ANAPC10: variants seen among roughly 807,000 people sequenced by gnomAD.
The protein encoded by ANAPC10 is anaphase promoting complex subunit 10, also known as anaphase-promoting complex subunit 10.
ANAPC10 carries 12 observed loss-of-function variants against 22.0 expected under a neutral mutation model. The ratio of observed to expected loss-of-function variants is 0.55; its 90% CI spans 0.35 to 0.88. The LOEUF is 0.88. Ranked by LOEUF, ANAPC10 falls within the 40% of genes least tolerant of loss-of-function variation. The pLI, the probability that ANAPC10 is intolerant of heterozygous loss-of-function variation, is 0.01. For synonymous variants in ANAPC10, 65 were observed against 69.5 expected (o/e 0.94, Z 0.32); for missense variants, 188 against 220.9 (o/e 0.85, Z 0.94).
intron 4 of ANAPC10, among the ~76,000 whole-genome samples, chr4:144,996,018 G>T (rs994572380): frequency 2.0e-5 from 3 of 152,194 alleles, no homozygotes; most frequent in African/African-American, 4.8e-5. Flanking sequence ...CTCATATTTT[G>T]AACAGATAAT....
chr4:145,023,310 T>C (rs933787922), intron 4 of ANAPC10, among the ~76,000 whole-genome samples: 1 of 152,154 alleles, frequency 6.6e-6, no homozygotes, highest in African/African-American at 2.4e-5. Context: ...TCAGGAAGTA[T>C]AAGGATTTTT....
intron 3 of ANAPC10, among the ~76,000 whole-genome samples, chr4:145,068,403 A>T (rs2126499075): frequency 6.6e-6 from 1 of 152,346 alleles, no homozygotes; most frequent in African/African-American, 2.4e-5. Flanking sequence ...CAAAACTTAA[A>T]ACTAAATATA....
At chr4:145,030,980 G>T (rs868326484) in intron 4 of ANAPC10, among the ~76,000 whole-genome samples, 1 of 152,306 alleles carries the variant, frequency 6.6e-6, no homozygotes, top group Non-Finnish European at 1.5e-5. Context: ...TGCAGCTGCT[G>T]TACCAGATGT....
At chr4:145,046,893 C>T (rs1740386666) in intron 4 of ANAPC10, among the ~76,000 whole-genome samples, 1 of 152,054 alleles carries the variant, frequency 6.6e-6, no homozygotes, top group South Asian at 2.1e-4. Flanking sequence ...ACATAAGACA[C>T]ATTTATCTAG....
chr4:144,995,478 G>C lies in ANAPC10; in HGVS notation c.453C>G (p.Thr151=). ...TGTATATTTTAATTTGTCTCATATG[G>C]GTGTCTCTTCCATTCTGGTGATTGG... ...VLANHQNGRD[T]HMRQIKIYTP... The change falls in exon 5 of 5, where the codon ACC becomes ACG. Residue 151 remains threonine (T), a synonymous_variant. Transcript: ENST00000507656. 1 of 1,613,460 alleles carries C rather than the reference G, an allele frequency of 6.2e-7. No homozygotes were observed. Among genetic ancestry groups the C allele is most frequent in the South Asian group, 1.1e-5 (1 of 91,064 alleles).
At chr4:145,061,648 A>T (rs1742907687) in intron 4 of ANAPC10, among the ~76,000 whole-genome samples, 4 of 152,250 alleles carry the variant, frequency 2.6e-5, no homozygotes, top group African/African-American at 9.6e-5. Context: ...GTTATAAATC[A>T]AAACAAGCCA....
rs534515833 is a variant in ANAPC10, at chr4:145,008,269, T to A, written c.328-12666A>T. 4.6e-4 allele frequency among the ~76,000 whole-genome samples: 70 copies of A among 152,286 alleles called. 1 individual carries two copies. The East Asian group carries it at 8.9e-3, about 19-fold the overall frequency. On this transcript the variant is annotated intron_variant, in intron 4 of 4. Coordinates refer to ENST00000507656, the MANE Select transcript of ANAPC10 (RefSeq NM_001256706.2). ...TTCTACCAGAGGTACAAAGAGGAGC[T>A]GGTACCATTCCTTCTGAAACTATTC...
chr4:145,002,533 T>C (rs2126864151), intron 4 of ANAPC10, among the ~76,000 whole-genome samples: 1 of 152,246 alleles, frequency 6.6e-6, no homozygotes, highest in East Asian at 1.9e-4. Context: ...ATTATATAGC[T>C]TAACTAGTCT....
rs1738080726 is a variant in ANAPC10 at position 145,034,199 on chromosome 4, T to TG, written c.327+30372dup. On this transcript the variant is annotated intron_variant, in intron 4 of 4. Transcript: ENST00000507656. Reference sequence around the variant, plus strand: ...ATTGAGGGATACAAAGTATTAATCCTGGGTATGCCTGTGTCGGTGTTACCA... The same window carrying TG: ...ATTGAGGGATACAAAGTATTAATCCTGGGGTATGCCTGTGTCGGTGTTACCA... Among the ~76,000 whole-genome samples, 3 of 152,122 alleles carry TG rather than the reference T, an allele frequency of 2.0e-5. No individual in the cohort carries two copies. In the South Asian group the frequency reaches 6.2e-4, roughly 31 times the overall value.
chr4:145,034,616 G>T (rs933063728), intron 4 of ANAPC10, among the ~76,000 whole-genome samples: 32 of 144,854 alleles, frequency 2.2e-4, no homozygotes, highest in African/African-American at 8.3e-4. Context: ...TTATAACAAG[G>T]ATATGTATTA....
chr4:145,045,669 G>A (rs374669789), intron 4 of ANAPC10, among the ~76,000 whole-genome samples: 2 of 151,726 alleles, frequency 1.3e-5, no homozygotes, highest in African/African-American at 2.4e-5. Context: ...GAATGTATAC[G>A]TGATCTTCTA....
intron 4 of ANAPC10, among the ~76,000 whole-genome samples, chr4:145,051,131 A>T (rs1741038226): frequency 6.6e-6 from 1 of 152,180 alleles, no homozygotes; most frequent in African/African-American, 2.4e-5. Context: ...GTTAGAGACC[A>T]TCATCATTAG....
At chr4:145,024,207 C>T (rs552960919) in intron 4 of ANAPC10, among the ~76,000 whole-genome samples, 1 of 152,304 alleles carries the variant, frequency 6.6e-6, no homozygotes, top group East Asian at 1.9e-4. Flanking sequence ...TCTGCAGTTA[C>T]TTTCTCAACT....
intron 4 of ANAPC10, among the ~76,000 whole-genome samples, chr4:145,046,155 T>C (rs1170348886): frequency 6.6e-6 from 1 of 152,102 alleles, no homozygotes; most frequent in African/African-American, 2.4e-5. Flanking sequence ...CACTGCTTAA[T>C]GGAAAAGTCT....
At chr4:145,062,052 G>C (rs1742968647) in intron 4 of ANAPC10, among the ~76,000 whole-genome samples, 1 of 148,298 alleles carries the variant, frequency 6.7e-6, no homozygotes, top group South Asian at 2.1e-4. Context: ...GACAGAGCAA[G>C]ACTCTGTCAA....
chr4:145,049,801 T>C (rs1455334754), intron 4 of ANAPC10, among the ~76,000 whole-genome samples: 25 of 152,046 alleles, frequency 1.6e-4, no homozygotes, highest in Non-Finnish European at 7.4e-5. Context: ...CCCAGGCTGG[T>C]CTTGAGCTCC....
In ANAPC10 at chr4:145,007,405, C is replaced by A. The variant is rs1733559950; in HGVS notation, c.328-11802G>T. On this transcript the variant is annotated intron_variant, in intron 4 of 4. Coordinates refer to ENST00000507656, the MANE Select transcript of ANAPC10 (RefSeq NM_001256706.2). ...TAGTTGGAAGTAAAGCATCCCTCAG[C>A]AAATGTAAAAGAACAGAAATCACAA... Among the ~76,000 whole-genome samples, 5 of 151,944 alleles carry A rather than the reference C, an allele frequency of 3.3e-5. 1 individual carries two copies. In the South Asian group the frequency reaches 1.0e-3, roughly 32 times the overall value.
intron 2 of ANAPC10, among the ~76,000 whole-genome samples, chr4:145,086,547 T>A (rs1028310527): frequency 1.3e-5 from 2 of 152,270 alleles, no homozygotes; most frequent in African/African-American, 4.8e-5. Flanking sequence ...TTTTGAGAGT[T>A]TATGTTGTGA....
intron 4 of ANAPC10, among the ~76,000 whole-genome samples, chr4:145,025,342 CCT>C (rs943661680): frequency 6.7e-6 from 1 of 148,388 alleles, no homozygotes; most frequent in African/African-American, 2.5e-5. Context: ...GCCCCCCCCC[CCT>C]TTTAAGCTCA....
Sources: gnomAD v4.1 joint callset for allele counts (sites outside exome capture counted in the v4.1 genomes callset) on GRCh38, gnomAD v4.1.1 for gene constraint, MANE v1.5 for transcripts, NCBI Gene and HGNC (gene_info 2026-07-23, HGNC 2026-07-21) for gene names.